Variants in STAU2 observed in about 807,000 individuals in gnomAD.
STAU2 encodes staufen double-stranded RNA binding protein 2.
A neutral mutation model predicts 65.9 loss-of-function variants in STAU2; 20 were observed. That is an observed-to-expected ratio of 0.30 (90% CI 0.21 to 0.44). The LOEUF (loss-of-function observed/expected upper bound fraction) is 0.44. Ranked by LOEUF, STAU2 falls within the 20% of genes least tolerant of loss-of-function variation. STAU2 has a pLI of 1.00. For missense variants in STAU2, 558 were observed against 683.9 expected, an observed-to-expected ratio of 0.82 and a Z score of 2.05; for synonymous variants, 232 against 233.9, an observed-to-expected ratio of 0.99 and a Z score of 0.07.
chr8:73,649,355 T>C (rs1232715953), intron 6 of STAU2, among the ~76,000 whole-genome samples: 2 of 152,206 alleles, frequency 1.3e-5, no homozygotes, highest in East Asian at 3.8e-4. Flanking sequence ...TCTATTTGTA[T>C]TTAAATTGAC....
chr8:73,457,738 A>G (rs2128898020), intron 13 of STAU2, among the ~76,000 whole-genome samples: 1 of 152,234 alleles, frequency 6.6e-6, no homozygotes, highest in Middle Eastern at 3.4e-3. Flanking sequence ...AGCTGTTTTT[A>G]TTCACATAAT....
At chr8:73,634,422 G>C (rs1814339899) in intron 6 of STAU2, among the ~76,000 whole-genome samples, 1 of 152,042 alleles carries the variant, frequency 6.6e-6, no homozygotes, top group Middle Eastern at 3.2e-3. Flanking sequence ...CAGCTCCTTG[G>C]GAGGCTGAGG....
At chr8:73,515,773 CTTTTTTT>C (rs75132374) in intron 13 of STAU2, among the ~76,000 whole-genome samples, 2,124 of 90,908 alleles carry the variant, frequency 0.023, 19 homozygotes, top group Middle Eastern at 0.1. Context: ...AAAAATTTCT[CTTTTTTT>C]TTTTTTTTTT....
At chr8:73,683,999 G>C (rs1818615536) in intron 5 of STAU2, among the ~76,000 whole-genome samples, 1 of 152,146 alleles carries the variant, frequency 6.6e-6, no homozygotes, top group African/African-American at 2.4e-5. Context: ...ACTCTTGGAT[G>C]GGCAGAATCA....
chr8:73,653,990 AG>A, intron 6 of STAU2: 1 of 272,420 alleles, frequency 3.7e-6, no homozygotes, highest in Non-Finnish European at 7.3e-6. Context: ...AGGGAAGGGG[AG>A]GGAAAAAATA....
chr8:73,654,657 A>AAAAAAAAAAAAAAAAAAAAAAC (rs1423535552), intron 6 of STAU2, among the ~76,000 whole-genome samples: 1 of 141,512 alleles, frequency 7.1e-6, no homozygotes, highest in African/African-American at 2.5e-5. Context: ...AAAAAAAAAA[A>AAAAAAAAAAAAAAAAAAAAAAC]AAAAGAACTC....
intron 12 of STAU2, among the ~76,000 whole-genome samples, chr8:73,567,871 G>A (rs541636339): frequency 6.6e-6 from 1 of 152,010 alleles, no homozygotes; most frequent in Admixed American, 6.6e-5. Context: ...GGGGAGTTGG[G>A]CAGGATGGTG....
rs778756702 is a variant in STAU2, at chr8:73,422,618, C to G, written c.1615G>C (p.Glu539Gln). The G allele has an allele frequency of 1.3e-6, 2 of 1,512,270 alleles. No individual in the cohort carries two copies. The highest frequency in any genetic ancestry group is 4.5e-5 in the Admixed American group (2 of 44,566). The allele number at this position is 1,512,270 out of a possible 1,614,324, so 93.7% of individuals were successfully genotyped here. A position where few individuals can be genotyped will look rare whatever the true frequency, so the allele number is the denominator to read the frequency against. ...GAMNIEKGSL[E>Q]KQAKHLREKA... The stretch of plus-strand genomic sequence containing the variant: ...ACTGACAGGGGATTTACTCACTTTT[C>G]AAGAGAACCTTTTTCGATATTCATT... The change falls in exon 14 of 15, where the codon GAA becomes CAA. Residue 539 changes from glutamate to glutamine, a missense_variant. Physicochemically the swap from Glu to Gln is conservative, Grantham distance 29. Around this residue, in one of 3 missense-constraint regions of STAU2, gnomAD observed 247 missense variants for 270.1 expected, o/e 0.91. Coordinates refer to ENST00000524300, the MANE Select transcript of STAU2 (RefSeq NM_001164380.2).
intron 6 of STAU2, among the ~76,000 whole-genome samples, chr8:73,630,994 C>A (rs1270773830): frequency 6.6e-6 from 1 of 152,102 alleles, no homozygotes; most frequent in Non-Finnish European, 1.5e-5. Context: ...GCGCTTGTAC[C>A]ATACCCGGGA....
rs143170163 is a variant in STAU2, at chr8:73,461,299, C to G, written c.1531-38597G>C. On this transcript the variant is annotated intron_variant, in intron 13 of 14. Coordinates refer to ENST00000524300, the MANE Select transcript of STAU2 (RefSeq NM_001164380.2). ...CGACAGATCAAAAACAGCTCATGAG[C>G]TAGTGGGAAGGAAAACACTACAGGC... 2.0e-5 allele frequency among the ~76,000 whole-genome samples: 3 copies of G among 152,216 alleles called. No individual in the cohort carries two copies. In the East Asian group the frequency reaches 5.8e-4, roughly 29 times the overall value.
intron 13 of STAU2, among the ~76,000 whole-genome samples, chr8:73,452,658 A>T (rs990757579): frequency 6.6e-6 from 1 of 152,232 alleles, no homozygotes; most frequent in Non-Finnish European, 1.5e-5. Flanking sequence ...TGCACACATA[A>T]CTTTGACCAC....
At chr8:73,612,723 A>G (rs1812564304) in intron 9 of STAU2, among the ~76,000 whole-genome samples, 1 of 152,214 alleles carries the variant, frequency 6.6e-6, no homozygotes, top group African/African-American at 2.4e-5. Context: ...ACCTGTAAAA[A>G]TACCTAAATT....
chr8:73,706,189 T>G (rs1461743614), intron 4 of STAU2, among the ~76,000 whole-genome samples: 2 of 152,134 alleles, frequency 1.3e-5, no homozygotes, highest in Non-Finnish European at 2.9e-5. Context: ...CAATCTTGGC[T>G]CACTGCAACC....
chr8:73,737,521 T>C (rs544156951), intron 3 of STAU2, among the ~76,000 whole-genome samples: 3 of 152,056 alleles, frequency 2.0e-5, no homozygotes, highest in South Asian at 2.1e-4. Flanking sequence ...ATTACTTCTC[T>C]GTTGATTTGC....
intron 13 of STAU2, among the ~76,000 whole-genome samples, chr8:73,489,500 A>T (rs1188381201): frequency 6.6e-6 from 1 of 152,024 alleles, no homozygotes; most frequent in East Asian, 1.9e-4. Flanking sequence ...GATGAATGAG[A>T]CAGGGTGCAA....
chr8:73,515,467 A>G (rs1822652887), intron 13 of STAU2, among the ~76,000 whole-genome samples: 1 of 152,190 alleles, frequency 6.6e-6, no homozygotes. Context: ...TTGGAGAGAA[A>G]TATGAGAATA....
chr8:73,469,439 G>A (rs1279297960), intron 13 of STAU2, among the ~76,000 whole-genome samples: 23 of 146,778 alleles, frequency 1.6e-4, no homozygotes, highest in East Asian at 2.0e-4. Flanking sequence ...CTGTACCCTA[G>A]AACTTAAAGT....
chr8:73,463,025 C>T (rs1224716905), intron 13 of STAU2, among the ~76,000 whole-genome samples: 1 of 152,198 alleles, frequency 6.6e-6, no homozygotes, highest in Non-Finnish European at 1.5e-5. Context: ...AGGATGCCTG[C>T]CTGCCGGCCT....
At chr8:73,577,660 G>A (rs1486729001) in intron 12 of STAU2, among the ~76,000 whole-genome samples, 1 of 151,994 alleles carries the variant, frequency 6.6e-6, no homozygotes, top group Non-Finnish European at 1.5e-5. Context: ...TATACTTATG[G>A]CTAATTCCCT....
Sources: allele counts gnomAD v4.1 joint callset (sites outside exome capture counted in the v4.1 genomes callset), GRCh38; gene constraint gnomAD v4.1.1; regional missense constraint gnomAD v4.1.1; transcripts MANE v1.5; gene names NCBI Gene and HGNC (gene_info 2026-07-23, HGNC 2026-07-21).